The following GLRB variants were observed in gnomAD, a reference collection of about 807,000 sequenced individuals.
GLRB encodes glycine receptor beta, also known as glycine receptor subunit beta.
Under a neutral mutation model 54.2 loss-of-function variants are expected in GLRB, and 33 were observed. That is an observed-to-expected ratio of 0.61 (90% CI 0.46 to 0.81). GLRB has a LOEUF of 0.81. Among genes scored for constraint, GLRB ranks in the 40% least tolerant of loss-of-function variants. The pLI is 0.00. For synonymous variants in GLRB, 209 were observed against 208.2 expected, an observed-to-expected ratio of 1.00 and a Z score of -0.03; for missense variants, 572 against 584.6, an observed-to-expected ratio of 0.98 and a Z score of 0.22.
intron 4 of GLRB, among the ~76,000 whole-genome samples, chr4:157,131,448 C>T (rs1462690020): frequency 6.6e-6 from 1 of 151,682 alleles, no homozygotes; most frequent in Non-Finnish European, 1.5e-5. Flanking sequence ...CAAAGTTTAT[C>T]TTTTATATTA....
At chr4:157,115,981 G>C (rs993650949) in intron 2 of GLRB, among the ~76,000 whole-genome samples, 1 of 151,696 alleles carries the variant, frequency 6.6e-6, no homozygotes, top group African/African-American at 2.4e-5. Context: ...TTAGCAAGAA[G>C]ATTAATACAA....
chr4:157,163,509 T>C (rs1437168956), intron 9 of GLRB, among the ~76,000 whole-genome samples: 1 of 152,174 alleles, frequency 6.6e-6, no homozygotes, highest in East Asian at 1.9e-4. Context: ...TCTTGGACAT[T>C]GCTGGCATGT....
In GLRB at chr4:157,153,068, G is replaced by A. The variant is rs1737089216; in HGVS notation, c.1197+58G>A. 3 of 1,376,044 alleles carry A rather than the reference G, an allele frequency of 2.2e-6. No homozygotes were observed. In the African/African-American group the frequency reaches 4.3e-5, roughly 20 times the overall value. The allele number at this position is 1,376,044 out of a possible 1,614,324, so 85.2% of individuals were successfully genotyped here. On this transcript the variant is annotated intron_variant, in intron 9 of 9. Coordinates refer to ENST00000264428, the MANE Select transcript of GLRB (RefSeq NM_000824.5). ...CCCCAACCACTTCATAGTGTCAAGA[G>A]AGAGACACCTTTGTGTATGTGACAA...
In GLRB at chr4:157,138,902, A is replaced by G. The variant is rs755163096; in HGVS notation, c.704A>G (p.Lys235Arg). ...KIALPQFDIK[K>R]EDIEYGNCTK... Reference sequence around the variant, plus strand: ...GCCTTGCCTCAATTTGATATCAAAAAGGAAGATATTGAATATGGTAACTGT... The same window carrying G: ...GCCTTGCCTCAATTTGATATCAAAAGGGAAGATATTGAATATGGTAACTGT... Residue 235 changes from lysine to arginine, a missense_variant, in exon 7 of 10, where the codon AAG (lysine) becomes AGG (arginine). Physicochemically the swap from Lys to Arg is conservative, Grantham distance 26 (BLOSUM62 2). Coordinates refer to ENST00000264428, the MANE Select transcript of GLRB (RefSeq NM_000824.5). 2 of 1,479,962 alleles carry G rather than the reference A, an allele frequency of 1.4e-6. No individual in the cohort carries two copies. The highest frequency in any genetic ancestry group is 4.5e-5 in the East Asian group (2 of 44,062). 91.7% of individuals were successfully genotyped at this position (1,479,962 alleles called of 1,614,324 possible).
chr4:157,138,199 G>A (rs1736476067), intron 6 of GLRB, among the ~76,000 whole-genome samples: 1 of 152,106 alleles, frequency 6.6e-6, no homozygotes. Flanking sequence ...AGCCTCCTGA[G>A]TAGCTGAGAT....
Position 157,152,875 on chromosome 4 carries a change from G to T in GLRB, c.1062G>T (p.Leu354=). ...AGTATGCAGTTGTCCAGGTGATGCT[G>T]AACAACCCCAAAAGGGTTGAAGCTG... The part of the protein sequence containing the change: ...LVEYAVVQVM[L]NNPKRVEAEK... The change falls in exon 9 of 10, where the codon CTG becomes CTT. Residue 354 remains leucine (L), a synonymous_variant. Coordinates refer to ENST00000264428, the MANE Select transcript of GLRB (RefSeq NM_000824.5). 2.5e-6 allele frequency: 4 copies of T among 1,614,012 alleles called. No homozygotes were observed. Among genetic ancestry groups the T allele is most frequent in the Non-Finnish European group, 3.4e-6 (4 of 1,179,968 alleles).
rs1736509378 is a variant in GLRB, at chr4:157,138,901, A to C, written c.703A>C (p.Lys235Gln). The change falls in exon 7 of 10, where the codon AAG becomes CAG. Residue 235 changes from lysine to glutamine, a missense_variant. By Grantham distance (53) the Lys-to-Gln change is moderately conservative (BLOSUM62 1). Transcript: ENST00000264428. Reference sequence around the variant, plus strand: ...TGCCTTGCCTCAATTTGATATCAAAAAGGAAGATATTGAATATGGTAACTG... The same window carrying C: ...TGCCTTGCCTCAATTTGATATCAAACAGGAAGATATTGAATATGGTAACTG... ...KIALPQFDIK[K>Q]EDIEYGNCTK... 1 of 1,484,088 alleles carries C rather than the reference A, an allele frequency of 6.7e-7. No homozygotes were observed. The highest frequency in any genetic ancestry group is 1.4e-5 in the African/African-American group (1 of 72,266). 91.9% of individuals were successfully genotyped at this position (1,484,088 alleles called of 1,614,324 possible).
At chr4:157,146,895 T>C (rs1363701698) in intron 8 of GLRB, among the ~76,000 whole-genome samples, 1 of 152,064 alleles carries the variant, frequency 6.6e-6, no homozygotes, top group African/African-American at 2.4e-5. Context: ...TTTGTAGGTA[T>C]CTTGAATGTG....
In GLRB at chr4:157,122,407, C is replaced by T. The variant is rs41280501; in HGVS notation, c.297+10C>T. On this transcript the variant is annotated intron_variant, in intron 4 of 9. Coordinates refer to ENST00000264428, the MANE Select transcript of GLRB (RefSeq NM_000824.5). ...TCAAGAAACAACAATGGTAAGATTG[C>T]AATTAATTTAATATTTTGTCAAATA... 327,306 of 1,019,514 alleles carry T rather than the reference C, an allele frequency of 0.32. 59,228 individuals are homozygous for T. The highest frequency in any genetic ancestry group is 0.69 in the African/African-American group (42,436 of 61,406). 63.2% of individuals were successfully genotyped at this position (1,019,514 alleles called of 1,614,324 possible). A position where few individuals can be genotyped will look rare whatever the true frequency, so the allele number is the denominator to read the frequency against.
intron 9 of GLRB, among the ~76,000 whole-genome samples, chr4:157,166,188 A>G (rs1256404328): frequency 1.3e-5 from 2 of 152,168 alleles, no homozygotes; most frequent in Admixed American, 6.5e-5. Flanking sequence ...GTTGCCAATA[A>G]TTTTCAGAAG....
intron 2 of GLRB, among the ~76,000 whole-genome samples, chr4:157,108,928 TCATCAA>T (rs1735320084): frequency 6.6e-6 from 1 of 152,072 alleles, no homozygotes; most frequent in Admixed American, 6.6e-5. Context: ...CAGTCAGCAG[TCATCAA>T]CATCAAGGCA....
At chr4:157,114,707 T>G (rs1735543510) in intron 2 of GLRB, among the ~76,000 whole-genome samples, 1 of 151,808 alleles carries the variant, frequency 6.6e-6, no homozygotes, top group African/African-American at 2.4e-5. Flanking sequence ...GTAAAGTATC[T>G]GTCAAATATT....
chr4:157,078,203 A>C, intron 2 of GLRB, 57 bp downstream of exon 2: 1 of 1,605,368 alleles, frequency 6.2e-7, no homozygotes, highest in Non-Finnish European at 8.5e-7. Context: ...GTGTTTTATA[A>C]AAGTAAGGTG....
chr4:157,139,148 G>A (rs967194803), intron 7 of GLRB, among the ~76,000 whole-genome samples, 199 bp downstream of exon 7: 1 of 152,072 alleles, frequency 6.6e-6, no homozygotes, highest in Non-Finnish European at 1.5e-5. Context: ...TTATTAGATA[G>A]ACATGCTTGA....
chr4:157,093,997 C>T (rs1451864670), intron 2 of GLRB, among the ~76,000 whole-genome samples: 1 of 152,224 alleles, frequency 6.6e-6, no homozygotes, highest in Non-Finnish European at 1.5e-5. Context: ...GTCTTTCTGC[C>T]TCAATCTGTC....
At chr4:157,100,661 C>G (rs1004337112) in intron 2 of GLRB, among the ~76,000 whole-genome samples, 8 of 152,006 alleles carry the variant, frequency 5.3e-5, no homozygotes, top group Non-Finnish European at 8.8e-5. Flanking sequence ...TCAATTATTT[C>G]TAATTTGTAT....
chr4:157,144,617 A>G (rs1349288246), intron 8 of GLRB, among the ~76,000 whole-genome samples: 2 of 152,222 alleles, frequency 1.3e-5, no homozygotes, highest in Non-Finnish European at 2.9e-5. Context: ...TGTACATTGC[A>G]TCAACAAATT....
intron 4 of GLRB, among the ~76,000 whole-genome samples, chr4:157,135,889 C>G (rs9997229): frequency 1.3e-5 from 2 of 152,058 alleles, no homozygotes. Context: ...TGTGTTCCCT[C>G]TAAAGTAGAG....
intron 2 of GLRB, 31 bp from the exon 3 acceptor site, chr4:157,120,525 C>G: frequency 8.4e-7 from 1 of 1,183,644 alleles, no homozygotes; most frequent in Non-Finnish European, 1.3e-6. Flanking sequence ...CTATTTATAA[C>G]TACTTATCAG....
Sources: gnomAD v4.1 joint callset for allele counts (sites outside exome capture counted in the v4.1 genomes callset) on GRCh38, gnomAD v4.1.1 for gene constraint, MANE v1.5 for transcripts, NCBI Gene and HGNC (gene_info 2026-07-23, HGNC 2026-07-21) for gene names.